The following ZNF541 variants were observed in gnomAD, a reference collection of about 807,000 sequenced individuals.
The protein encoded by ZNF541 is zinc finger protein 541.
In ZNF541, 23 loss-of-function variants were observed where a neutral mutation model predicts 123.5. The observed-to-expected ratio is 0.19, with a 90% CI of 0.13 to 0.26. ZNF541 has a LOEUF of 0.26. Among genes scored for constraint, ZNF541 ranks in the 10% least tolerant of loss-of-function variants. The pLI, the probability that ZNF541 is intolerant of heterozygous loss-of-function variation, is 1.00. For synonymous variants in ZNF541, 751 were observed against 754.5 expected (o/e 1.00, Z 0.08); for missense variants, 1,612 against 1,789.9 (o/e 0.90, Z 1.79).
intron 2 of ZNF541, among the ~76,000 whole-genome samples, chr19:47,559,326 C>T (rs1335780567): frequency 6.6e-6 from 1 of 151,170 alleles, no homozygotes; most frequent in Non-Finnish European, 1.5e-5. Flanking sequence ...GAGCTGAGAT[C>T]GTGCCACTGC....
In ZNF541 at chr19:47,544,324, T is replaced by A; in HGVS notation, c.2205A>T (p.Pro735=). ...ASRITKGEKG[P]ACSRGGGYRL... Reference sequence around the variant, plus strand: ...GGTAGCCTCCACCCCGGGAGCAGGCTGGGCCCTTTTCACCTTTTGTGATCC... The same window carrying A: ...GGTAGCCTCCACCCCGGGAGCAGGCAGGGCCCTTTTCACCTTTTGTGATCC... The change falls in exon 5 of 17, where the codon CCA becomes CCT. Residue 735 remains proline (P), a synonymous_variant. Coordinates refer to ENST00000391901, the MANE Select transcript of ZNF541 (RefSeq NM_001277075.3). 6.4e-7 allele frequency: 1 copy of A among 1,551,660 alleles called. No homozygotes were observed.
chr19:47,535,189 G>A (rs561683332), intron 9 of ZNF541, among the ~76,000 whole-genome samples: 9 of 152,204 alleles, frequency 5.9e-5, no homozygotes, highest in Middle Eastern at 3.4e-3. Flanking sequence ...TCCTGACCTC[G>A]TGATCCGCCT....
intron 2 of ZNF541, among the ~76,000 whole-genome samples, chr19:47,556,807 G>C (rs1274807481): frequency 6.7e-6 from 1 of 150,248 alleles, no homozygotes; most frequent in African/African-American, 2.5e-5. Context: ...GCCCAGGCTG[G>C]AGTGCAGTGG....
rs1198201547 is a variant in ZNF541, at chr19:47,521,142, AG to A, written c.*81del. On this transcript the variant is annotated 3_prime_UTR_variant, in exon 17 of 17. Transcript: ENST00000391901. This position sits in a 1 kb window ranked among gnomAD's most constrained non-coding sequence, Gnocchi z 4.2. ...GGACAGGGAGGGTGGGGGGAGGCAG[AG>A]GGGTGCCCCAAACGCCCTGGAGAGG... 2.0e-6 allele frequency: 3 copies of A among 1,478,740 alleles called. No homozygotes were observed. The African/African-American group carries it at 4.2e-5, about 21-fold the overall frequency. The allele number at this position is 1,478,740 out of a possible 1,614,324, so 91.6% of individuals were successfully genotyped here.
At chr19:47,530,403 C>G (rs554067751) in intron 12 of ZNF541, among the ~76,000 whole-genome samples, 1 of 147,942 alleles carries the variant, frequency 6.8e-6, no homozygotes, top group Admixed American at 6.8e-5. Flanking sequence ...AGGCTGGTCT[C>G]GAACTCACGA....
In ZNF541 at chr19:47,571,915, A is replaced by C. The variant is rs1191236391; in HGVS notation, c.-118T>G. The stretch of plus-strand genomic sequence containing the variant: ...ACTCACCAGAAGAGCAAGTTAGTGA[A>C]TCTCCAGGGAACAGGAGGACCCAGT... On this transcript the variant is annotated 5_prime_UTR_variant, in exon 2 of 17. Coordinates refer to ENST00000391901, the MANE Select transcript of ZNF541 (RefSeq NM_001277075.3). 1.3e-5 allele frequency among the ~76,000 whole-genome samples: 2 copies of C among 152,226 alleles called. No individual in the cohort carries two copies. The highest frequency in any genetic ancestry group is 3.8e-4 in the East Asian group (2 of 5,206).
In ZNF541 at chr19:47,545,852, A is replaced by G; in HGVS notation, c.677T>C (p.Leu226Pro). ...CTCTTCCTCCGGGGGGGCTTCCTTC[A>G]GGATGCACAGGCCGTGATGGACCTC... The part of the protein sequence containing the change: ...HYEVHHGLCI[L>P]KEAPPEEEAC... The change falls in exon 5 of 17, where the codon CTG (leucine) becomes CCG (proline). Residue 226 changes from leucine to proline, a missense_variant. Coordinates refer to ENST00000391901, the MANE Select transcript of ZNF541 (RefSeq NM_001277075.3). The surrounding 1 kb of genome is among the most constrained non-coding windows in gnomAD (Gnocchi z 7.5). 6.5e-7 allele frequency: 1 copy of G among 1,549,480 alleles called. No homozygotes were observed. Among genetic ancestry groups the G allele is most frequent in the South Asian group, 1.2e-5 (1 of 83,986 alleles).
chr19:47,525,895 G>A (rs189683834), intron 14 of ZNF541, among the ~76,000 whole-genome samples: 343 of 126,788 alleles, frequency 2.7e-3, no homozygotes, highest in Non-Finnish European at 3.7e-3. Flanking sequence ...CAGTCTGGGC[G>A]ACAGAGCGAG....
chr19:47,572,247 A>C (rs1971501210), intron 1 of ZNF541, among the ~76,000 whole-genome samples: 1 of 152,220 alleles, frequency 6.6e-6, no homozygotes, highest in South Asian at 2.1e-4. Flanking sequence ...CCCCGTGGGA[A>C]GAGACCTAGA....
chr19:47,538,075 T>C, intron 9 of ZNF541, 67 bp downstream of exon 9: 1 of 1,515,288 alleles, frequency 6.6e-7, no homozygotes, highest in East Asian at 2.5e-5. Context: ...TGCTACAAGG[T>C]AGAGTGGCTG....
chr19:47,535,769 C>A (rs1292785883), intron 9 of ZNF541, among the ~76,000 whole-genome samples: 1 of 151,286 alleles, frequency 6.6e-6, no homozygotes, highest in Non-Finnish European at 1.5e-5. Flanking sequence ...TTCGCCCAGG[C>A]TAAAGTGAAA....
chr19:47,540,722 G>A (rs967169904), intron 6 of ZNF541, among the ~76,000 whole-genome samples, 171 bp downstream of exon 6: 1 of 152,166 alleles, frequency 6.6e-6, no homozygotes, highest in Non-Finnish European at 1.5e-5. Context: ...TTACAGGCGT[G>A]AGCCACCGCG....
At chr19:47,538,891 G>C (rs559785983) in intron 8 of ZNF541, among the ~76,000 whole-genome samples, 1 of 152,258 alleles carries the variant, frequency 6.6e-6, no homozygotes, top group South Asian at 2.1e-4. Flanking sequence ...AGGCTGCAGA[G>C]ACAAGCCCTA....
In ZNF541 at chr19:47,539,724, T is replaced by C; in HGVS notation, c.2777A>G (p.His926Arg). The C allele has an allele frequency of 7.0e-7, 1 of 1,437,682 alleles. No individual in the cohort carries two copies. The highest frequency in any genetic ancestry group is 3.0e-5 in the East Asian group (1 of 33,880). 89.1% of individuals were successfully genotyped at this position (1,437,682 alleles called of 1,614,324 possible). Residue 926 changes from histidine to arginine, a missense_variant, in exon 8 of 17, where the codon CAC (histidine) becomes CGC (arginine). His to Arg is a conservative substitution (Grantham distance 29, BLOSUM62 0). Around this residue, in one of 5 missense-constraint regions of ZNF541, gnomAD observed 1,080 missense variants for 1,013.8 expected, o/e 1.07. Coordinates refer to ENST00000391901, the MANE Select transcript of ZNF541 (RefSeq NM_001277075.3). ...QSIPVVPVTR[H>R]IGSMAMGQEK... is the part of the protein sequence containing the mutation. ...ACCCACCATGGCCATGCTCCCTATG[T>C]GTCGGGTCACTGGAACCACGGGGAT... is the stretch of plus-strand genomic sequence containing the variant.
At position 47,544,616 on chromosome 19, in the gene ZNF541, G is replaced by A. The variant is rs1476459361; in HGVS notation, c.1913C>T (p.Ala638Val). 13 of 1,550,816 alleles carry A rather than the reference G, an allele frequency of 8.4e-6. No individual in the cohort carries two copies. Among genetic ancestry groups the A allele is most frequent in the Non-Finnish European group, 1.0e-5 (12 of 1,146,918 alleles). The change falls in exon 5 of 17, where the codon GCC (alanine) becomes GTC (valine). Residue 638 changes from alanine (A) to valine (V), a missense_variant. Around this residue, in one of 5 missense-constraint regions of ZNF541, gnomAD observed 1,080 missense variants for 1,013.8 expected, o/e 1.07. Coordinates refer to ENST00000391901, the MANE Select transcript of ZNF541 (RefSeq NM_001277075.3). The stretch of plus-strand genomic sequence containing the variant: ...GTCTCGTCTCGTGCTGCCGGGGGAG[G>A]CCTCTCTGGGAACCCCGGGTGTGGT... ...RKTTPGVPRE[A>V]SPGSTRRDAK...
At position 47,539,809 on chromosome 19, in the gene ZNF541, G is replaced by A. The variant is rs1295080691; in HGVS notation, c.2692C>T (p.Pro898Ser). 1 of 1,489,056 alleles carries A rather than the reference G, an allele frequency of 6.7e-7. No homozygotes were observed. Among genetic ancestry groups the A allele is most frequent in the Non-Finnish European group, 8.9e-7 (1 of 1,127,634 alleles). The allele number at this position is 1,489,056 out of a possible 1,614,324, so 92.2% of individuals were successfully genotyped here. A position where few individuals can be genotyped will look rare whatever the true frequency, so the allele number is the denominator to read the frequency against. The change falls in exon 8 of 17, where the codon CCA (proline) becomes TCA (serine). Residue 898 changes from proline (P) to serine (S), a missense_variant. Transcript: ENST00000391901. ...GGGTCCAAGGGCTTCTTGGTTCCTG[G>A]GGGACTATGCCTGTCCCCTTCTGGC... is the stretch of plus-strand genomic sequence containing the variant. ...LRPEGDRHSP[P>S]GTKKPLDPTA... is the part of the protein sequence containing the mutation.
chr19:47,544,930 A>T lies in ZNF541; in HGVS notation c.1599T>A (p.Asp533Glu), dbSNP rs1456374477. The change falls in exon 5 of 17, where the codon GAT becomes GAA. Residue 533 changes from aspartate (D) to glutamate (E), a missense_variant. By Grantham distance (45) the Asp-to-Glu change is conservative. Around this residue, in one of 5 missense-constraint regions of ZNF541, gnomAD observed 1,080 missense variants for 1,013.8 expected, o/e 1.07. Transcript: ENST00000391901. ...AGAGCTGGCGGAAGAGCGGCGAGGC[A>T]TCCGCAGGGAGCCCGCCTGCCTTCT... ...EAQKAGGLPA[D>E]ASPLFRQLFL... 3 of 1,535,330 alleles carry T rather than the reference A, an allele frequency of 2.0e-6. No individual in the cohort carries two copies. Among genetic ancestry groups the T allele is most frequent in the African/African-American group, 1.4e-5 (1 of 72,926 alleles).
In ZNF541 at chr19:47,532,924, T is replaced by C; in HGVS notation, c.3143A>G (p.Lys1048Arg). Reference sequence around the variant, plus strand: ...CCCAACTTACGGCTCAATGCTGATTTTGGTGTCATCCTTCACCACACAGAT... The same window carrying C: ...CCCAACTTACGGCTCAATGCTGATTCTGGTGTCATCCTTCACCACACAGAT... Reference protein sequence around the residue: ...FGICVVKDDTKISIEPHINIG... With the variant: ...FGICVVKDDTRISIEPHINIG... The change falls in exon 10 of 17, where the codon AAA becomes AGA. Residue 1048 changes from lysine (K) to arginine (R), a missense_variant. Physicochemically the swap from Lys to Arg is conservative, Grantham distance 26. Around this residue, in one of 5 missense-constraint regions of ZNF541, gnomAD observed 285 missense variants for 407.3 expected, o/e 0.70. Transcript: ENST00000391901. 2.6e-6 allele frequency: 4 copies of C among 1,550,500 alleles called. No individual in the cohort carries two copies. Among genetic ancestry groups the C allele is most frequent in the Non-Finnish European group, 2.6e-6 (3 of 1,146,412 alleles).
intron 3 of ZNF541, among the ~76,000 whole-genome samples, chr19:47,553,705 A>G (rs980519184): frequency 1.4e-4 from 22 of 151,768 alleles, no homozygotes; most frequent in African/African-American, 4.6e-4. Flanking sequence ...CGCCTGGCCA[A>G]ATTATTGTAT....
Sources: allele counts gnomAD v4.1 joint callset (sites outside exome capture counted in the v4.1 genomes callset), GRCh38; gene constraint gnomAD v4.1.1; regional missense constraint gnomAD v4.1.1; non-coding constraint Gnocchi (gnomAD v3.1); transcripts MANE v1.5; gene names NCBI Gene and HGNC (gene_info 2026-07-23, HGNC 2026-07-21).